The following THSD7B variants were observed in gnomAD, a reference collection of about 807,000 sequenced individuals.
The protein encoded by THSD7B is thrombospondin type 1 domain containing 7B, also known as thrombospondin type-1 domain-containing protein 7B.
A neutral mutation model predicts 213.6 loss-of-function variants in THSD7B; 138 were observed. The observed-to-expected ratio is 0.65, with a 90% CI of 0.56 to 0.74. The LOEUF is 0.74. Ranked by LOEUF, THSD7B falls within the 30% of genes least tolerant of loss-of-function variation. THSD7B has a pLI of 0.00. For missense variants in THSD7B, 1,931 were observed against 1,991.5 expected (o/e 0.97, Z 0.58); for synonymous variants, 742 against 687.0 (o/e 1.08, Z -1.25).
At chr2:137,417,034 A>G (rs1686815170) in intron 14 of THSD7B, among the ~76,000 whole-genome samples, 1 of 152,216 alleles carries the variant, frequency 6.6e-6, no homozygotes, top group African/African-American at 2.4e-5. Context: ...AATTATTTTC[A>G]TTAGTATATC....
At chr2:137,153,406 T>C (rs1006298033) in intron 5 of THSD7B, among the ~76,000 whole-genome samples, 2 of 152,178 alleles carry the variant, frequency 1.3e-5, no homozygotes, top group Admixed American at 1.3e-4. Context: ...TATTTTTATA[T>C]ATTAAATCTG....
At chr2:136,883,709 G>A (rs1465610) in intron 2 of THSD7B, among the ~76,000 whole-genome samples, 130,881 of 152,146 alleles carry the variant, frequency 0.86, 56,673 homozygotes, top group Non-Finnish European at 0.91. Context: ...TAAAATAAGC[G>A]TGCTTTTCTA....
At chr2:136,892,314 C>G (rs1683875079) in intron 2 of THSD7B, among the ~76,000 whole-genome samples, 1 of 152,176 alleles carries the variant, frequency 6.6e-6, no homozygotes. Context: ...CCCATCACTT[C>G]TGTTTACAAA....
At chr2:136,875,463 C>T (rs1331166456) in intron 1 of THSD7B, among the ~76,000 whole-genome samples, 2 of 149,016 alleles carry the variant, frequency 1.3e-5, no homozygotes, top group African/African-American at 2.5e-5. Context: ...CACTTTCCGT[C>T]AGCTCAGTAG....
At chr2:137,064,844 T>C (rs1324748277) in intron 3 of THSD7B, among the ~76,000 whole-genome samples, 1 of 152,086 alleles carries the variant, frequency 6.6e-6, no homozygotes. Context: ...CTGGGTTCTC[T>C]ACTCTGTTCC....
chr2:137,006,447 T>TAC (rs1558884534), intron 2 of THSD7B, among the ~76,000 whole-genome samples: 133 of 147,180 alleles, frequency 9.0e-4, no homozygotes, highest in African/African-American at 2.9e-3. Flanking sequence ...TACATACATA[T>TAC]AGGTTGTATA....
At chr2:137,492,234 T>C (rs894044629) in intron 15 of THSD7B, among the ~76,000 whole-genome samples, 2 of 152,220 alleles carry the variant, frequency 1.3e-5, no homozygotes, top group African/African-American at 4.8e-5. Flanking sequence ...ACTACCATTT[T>C]ATAACTACAA....
intron 5 of THSD7B, among the ~76,000 whole-genome samples, chr2:137,132,021 G>A (rs1216250606): frequency 2.7e-5 from 4 of 150,076 alleles, no homozygotes; most frequent in Admixed American, 2.0e-4. Context: ...AGCATGGAAT[G>A]TTCTTCCATT....
At chr2:137,180,856 G>C (rs968005103) in intron 7 of THSD7B, among the ~76,000 whole-genome samples, 3 of 152,140 alleles carry the variant, frequency 2.0e-5, no homozygotes, top group Non-Finnish European at 4.4e-5. Context: ...TTTTGGTAAA[G>C]TCCAACTTGG....
intron 5 of THSD7B, among the ~76,000 whole-genome samples, chr2:137,122,067 A>G (rs1352290586): frequency 1.3e-5 from 2 of 152,204 alleles, no homozygotes; most frequent in African/African-American, 4.8e-5. Context: ...TTACTGGGCC[A>G]GAGAGATTGG....
chr2:136,935,535 C>A (rs1684707326), intron 2 of THSD7B, among the ~76,000 whole-genome samples: 1 of 152,020 alleles, frequency 6.6e-6, no homozygotes, highest in African/African-American at 2.4e-5. Flanking sequence ...TACTTTAAGC[C>A]ATTGATGTAT....
At chr2:136,935,927 T>C (rs1324790542) in intron 2 of THSD7B, among the ~76,000 whole-genome samples, 1 of 148,058 alleles carries the variant, frequency 6.8e-6, no homozygotes, top group Non-Finnish European at 1.5e-5. Context: ...TAATCTTATA[T>C]AATTATAATT....
At chr2:137,020,244 A>G (rs1328530476) in intron 2 of THSD7B, among the ~76,000 whole-genome samples, 1 of 152,126 alleles carries the variant, frequency 6.6e-6, no homozygotes, top group Non-Finnish European at 1.5e-5. Flanking sequence ...GCAAAAGCAG[A>G]GGGGGTGATC....
intron 17 of THSD7B, among the ~76,000 whole-genome samples, chr2:137,602,043 CTG>C (rs1682084062): frequency 1.3e-5 from 2 of 152,178 alleles, no homozygotes; most frequent in African/African-American, 4.8e-5. Flanking sequence ...TCACATTTAC[CTG>C]TGTTGCTTTC....
intron 14 of THSD7B, 36 bp downstream of exon 14, chr2:137,411,908 C>T: frequency 6.2e-7 from 1 of 1,607,390 alleles, no homozygotes; most frequent in Admixed American, 1.7e-5. Flanking sequence ...GATGAGAACA[C>T]TCACACACAG....
At chr2:137,201,383 A>G (rs1160339461) in intron 7 of THSD7B, among the ~76,000 whole-genome samples, 2 of 152,158 alleles carry the variant, frequency 1.3e-5, no homozygotes, top group South Asian at 2.1e-4. Flanking sequence ...TGCAGTGAAC[A>G]TGTAGTGCAC....
intron 2 of THSD7B, among the ~76,000 whole-genome samples, chr2:136,908,724 C>G (rs1472823315): frequency 6.6e-6 from 1 of 152,112 alleles, no homozygotes; most frequent in African/African-American, 2.4e-5. Flanking sequence ...GTCAAAGCAA[C>G]CCAGCTAGTG....
chr2:137,320,801 C>A (rs1475617693), intron 12 of THSD7B, among the ~76,000 whole-genome samples: 1 of 152,152 alleles, frequency 6.6e-6, no homozygotes, highest in East Asian at 1.9e-4. Context: ...CCTTGAATGT[C>A]CTTCTTCTTC....
At chr2:137,675,401 GCCATATATATAT>G in intron 27 of THSD7B, among the ~76,000 whole-genome samples, 1 of 104,806 alleles carries the variant, frequency 9.5e-6, no homozygotes, top group African/African-American at 4.1e-5. Flanking sequence ...CTAAATGAAT[GCCATATATATAT>G]ATATATATAT....
Sources: allele counts gnomAD v4.1 joint callset (sites outside exome capture counted in the v4.1 genomes callset), GRCh38; gene constraint gnomAD v4.1.1; transcripts MANE v1.5; gene names NCBI Gene and HGNC (gene_info 2026-07-23, HGNC 2026-07-21).